The following DRC4 variants were observed in gnomAD, a reference collection of about 807,000 sequenced individuals.
The protein encoded by DRC4 is dynein regulatory complex subunit 4.
the DRC4 span, chr16:90,019,875 C>G: frequency 3.4e-6 from 2 of 593,356 alleles, no homozygotes; most frequent in Non-Finnish European, 6.3e-6. The surrounding 1 kb of genome is among the most constrained non-coding windows in gnomAD (Gnocchi z 6.1). Context: ...ACAGAGCGCC[C>G]TGGATGGCGC....
At chr16:90,036,633 G>A in the DRC4 span, 1 of 1,521,420 alleles carries the variant, frequency 6.6e-7, no homozygotes, top group Non-Finnish European at 8.9e-7. Context: ...GCCTGTCCTA[G>A]AATGTGGGCT....
chr16:90,020,447 AG>A, the DRC4 span, among the ~76,000 whole-genome samples: 1 of 152,346 alleles, frequency 6.6e-6, no homozygotes, highest in Non-Finnish European at 1.5e-5. Context: ...AGGAAGCATC[AG>A]ACATCAGACA....
the DRC4 span, chr16:90,027,811 T>C: frequency 1.6e-6 from 2 of 1,220,506 alleles, no homozygotes; most frequent in Non-Finnish European, 2.4e-6. Flanking sequence ...TCTTGCCATG[T>C]GGATCCACCC....
At chr16:90,031,362 T>C in the DRC4 span, 1 of 1,612,600 alleles carries the variant, frequency 6.2e-7, no homozygotes, top group African/African-American at 1.3e-5. Flanking sequence ...ACGAAACTAC[T>C]TCCAGCTGGA....
At chr16:90,037,810 C>T in the DRC4 span, 20 of 1,614,152 alleles carry the variant, frequency 1.2e-5, no homozygotes, top group Non-Finnish European at 1.6e-5. Context: ...GAAAGACCTG[C>T]AGTGGGAGCA....
At chr16:90,041,515 A>T in the DRC4 span, among the ~76,000 whole-genome samples, 1 of 152,212 alleles carries the variant, frequency 6.6e-6, no homozygotes, top group South Asian at 2.1e-4. Context: ...TGTTACAAAA[A>T]AGTGGGATAG....
chr16:90,037,122 C>T, the DRC4 span: 1 of 1,108,002 alleles, frequency 9.0e-7, no homozygotes, highest in East Asian at 2.5e-5. Flanking sequence ...ATGCCTGAGG[C>T]TGGCAGCAGC....
At chr16:90,024,112 T>A in the DRC4 span, among the ~76,000 whole-genome samples, 1 of 111,098 alleles carries the variant, frequency 9.0e-6, no homozygotes, top group Non-Finnish European at 2.0e-5. Context: ...AAACCCTGTC[T>A]TTACTAAAAA....
chr16:90,044,430 C>A, the DRC4 span: 1 of 457,730 alleles, frequency 2.2e-6, no homozygotes, highest in Non-Finnish European at 4.5e-6. Context: ...TGATGCCCGG[C>A]CAGCAGGACC....
At chr16:90,032,879 G>A in the DRC4 span, 4 of 1,613,940 alleles carry the variant, frequency 2.5e-6, no homozygotes, top group Non-Finnish European at 3.4e-6. Context: ...TGGAGCTCAA[G>A]GAGCAGGAGC....
At chr16:90,041,659 C>T in the DRC4 span, among the ~76,000 whole-genome samples, 1 of 151,990 alleles carries the variant, frequency 6.6e-6, no homozygotes, top group African/African-American at 2.4e-5. Context: ...CAAAAATTAG[C>T]TGGGCTTGGT....
chr16:90,043,340 A>T, the DRC4 span: 1 of 1,589,246 alleles, frequency 6.3e-7, no homozygotes, highest in African/African-American at 1.6e-5. Context: ...GGGCACCCCG[A>T]CGTAGCTGCC....
At chr16:90,022,784 G>C in the DRC4 span, 5 of 1,292,146 alleles carry the variant, frequency 3.9e-6, no homozygotes, top group South Asian at 1.0e-4. Context: ...CCTCGGGGCA[G>C]GGAGGCCTCG....
the DRC4 span, chr16:90,037,447 A>G: frequency 6.4e-7 from 1 of 1,561,964 alleles, no homozygotes; most frequent in Non-Finnish European, 8.7e-7. Flanking sequence ...GAGCTTGCCT[A>G]GGCTCAGGAG....
chr16:90,038,330 A>G, the DRC4 span, among the ~76,000 whole-genome samples: 3 of 152,126 alleles, frequency 2.0e-5, no homozygotes, highest in Non-Finnish European at 4.4e-5. Context: ...GTATGTTACG[A>G]ACACGGGATC....
the DRC4 span, among the ~76,000 whole-genome samples, chr16:90,039,007 A>AAT: frequency 1.3e-5 from 2 of 152,230 alleles, no homozygotes; most frequent in African/African-American, 4.8e-5. Flanking sequence ...GCTTCTCAGA[A>AAT]ATATCCCATC....
the DRC4 span, among the ~76,000 whole-genome samples, chr16:90,039,119 C>G: frequency 6.6e-6 from 1 of 152,210 alleles, no homozygotes; most frequent in Non-Finnish European, 1.5e-5. Context: ...AGGGCACCTG[C>G]AAGGTAGTCA....
chr16:90,027,799 C>T, the DRC4 span: 1 of 1,353,642 alleles, frequency 7.4e-7, no homozygotes, highest in Non-Finnish European at 1.1e-6. Flanking sequence ...GCCGAGTGTC[C>T]ATCTTGCCAT....
chr16:90,027,397 T>C, the DRC4 span, among the ~76,000 whole-genome samples: 16 of 152,188 alleles, frequency 1.1e-4, no homozygotes, highest in African/African-American at 3.9e-4. Flanking sequence ...TCCTCTCTTT[T>C]CTAGAAGGAA....
Sources: gnomAD v4.1 joint callset for allele counts (sites outside exome capture counted in the v4.1 genomes callset) on GRCh38, gnomAD v4.1.1 for gene constraint, Gnocchi (gnomAD v3.1) non-coding constraint, MANE v1.5 for transcripts, NCBI Gene and HGNC (gene_info 2026-07-23, HGNC 2026-07-21) for gene names.